WWOX: variants seen among roughly 807,000 people sequenced by gnomAD.
WWOX encodes the protein WW domain-containing oxidoreductase.
Under a neutral mutation model 46.2 loss-of-function variants are expected in WWOX, and 69 were observed. The ratio of observed to expected loss-of-function variants is 1.49; its 90% confidence interval spans 1.23 to 1.82. The LOEUF is 1.82. Among genes scored for constraint, WWOX ranks in the 40% most tolerant of loss-of-function variants. The pLI, the probability that WWOX is intolerant of heterozygous loss-of-function variation, is 0.00. For missense variants in WWOX, 919 were observed against 542.6 expected (o/e 1.69, Z -6.89); for synonymous variants, 359 against 202.6 (o/e 1.77, Z -6.56).
chr16:78,762,379 CAG>C (rs1567543024), intron 8 of WWOX, among the ~76,000 whole-genome samples: 1 of 152,176 alleles, frequency 6.6e-6, no homozygotes, highest in African/African-American at 2.4e-5. Context: ...GAATTTTAAC[CAG>C]AGTCTCTTGG....
chr16:78,643,869 A>G (rs1431873045), intron 8 of WWOX, among the ~76,000 whole-genome samples: 2 of 151,598 alleles, frequency 1.3e-5, no homozygotes. Flanking sequence ...GACAGTTGCC[A>G]TAATTAGTAA....
At chr16:78,947,185 C>T (rs975398486) in intron 8 of WWOX, among the ~76,000 whole-genome samples, 3 of 151,764 alleles carry the variant, frequency 2.0e-5, no homozygotes, top group Non-Finnish European at 2.9e-5. Flanking sequence ...AGAGAAAACC[C>T]CATAACAATG....
At chr16:79,114,857 T>G (rs2049482911) in intron 8 of WWOX, among the ~76,000 whole-genome samples, 1 of 152,186 alleles carries the variant, frequency 6.6e-6, no homozygotes, top group African/African-American at 2.4e-5. Context: ...GCTGCTGCCT[T>G]TAATGGGCGT....
intron 8 of WWOX, among the ~76,000 whole-genome samples, chr16:78,893,663 G>T (rs1227277339): frequency 6.6e-6 from 1 of 152,116 alleles, no homozygotes; most frequent in Non-Finnish European, 1.5e-5. Flanking sequence ...AGACTCTTTT[G>T]TCTGAGGTTC....
intron 8 of WWOX, chr16:79,016,279 G>C (rs1438042405): frequency 6.6e-6 from 1 of 152,208 alleles, no homozygotes; most frequent in Admixed American, 6.6e-5. Context: ...TGAAACTGCT[G>C]CTTAACTTTT....
chr16:78,711,323 T>C (rs1226992078), intron 8 of WWOX, among the ~76,000 whole-genome samples: 1 of 152,250 alleles, frequency 6.6e-6, no homozygotes, highest in South Asian at 2.1e-4. Flanking sequence ...TATGGTTTGT[T>C]TAGCAACAGC....
intron 8 of WWOX, among the ~76,000 whole-genome samples, chr16:79,089,330 G>T (rs892913854): frequency 1.1e-4 from 12 of 111,862 alleles, no homozygotes; most frequent in Admixed American, 9.7e-5. Flanking sequence ...TCAAGGTGGG[G>T]ACCTTTTTTT....
In WWOX at chr16:79,025,505, C is replaced by T. The variant is rs72795608; in HGVS notation, c.1057-186103C>T. ...GCGGTGTGAAGGTAGAGACTGAGAT[C>T]GGAGTGATTCCCCCACAAGCCAGGG... is the stretch of plus-strand genomic sequence containing the variant. On this transcript the variant is annotated intron_variant, in intron 8 of 8. Coordinates refer to ENST00000566780, the MANE Select transcript of WWOX (RefSeq NM_016373.4). 2.0e-3 allele frequency among the ~76,000 whole-genome samples: 308 copies of T among 152,118 alleles called. 2 individuals are homozygous for T. Among genetic ancestry groups the T allele is most frequent in the Non-Finnish European group, 2.8e-3 (190 of 68,008 alleles).
chr16:78,469,912 A>G (rs1899831195), intron 8 of WWOX, among the ~76,000 whole-genome samples: 1 of 152,254 alleles, frequency 6.6e-6, no homozygotes, highest in Non-Finnish European at 1.5e-5. Context: ...AATAAGATGT[A>G]ACTGAAATTC....
chr16:78,842,066 G>C (rs1047026848), intron 8 of WWOX, among the ~76,000 whole-genome samples: 18 of 152,188 alleles, frequency 1.2e-4, no homozygotes. Context: ...GAGGATCTGA[G>C]CTGACTGGGT....
chr16:78,459,240 C>A (rs574365189), intron 8 of WWOX, among the ~76,000 whole-genome samples: 2 of 152,178 alleles, frequency 1.3e-5, no homozygotes, highest in Non-Finnish European at 2.9e-5. Context: ...GAAAGACTGT[C>A]GTAAGTTCAC....
chr16:78,883,980 C>A (rs558010121), intron 8 of WWOX, among the ~76,000 whole-genome samples: 7 of 152,020 alleles, frequency 4.6e-5, no homozygotes, highest in Admixed American at 3.3e-4. Context: ...ATCTGATCCC[C>A]TAGAAATTTC....
At chr16:78,954,447 A>G (rs896853876) in intron 8 of WWOX, among the ~76,000 whole-genome samples, 1 of 152,212 alleles carries the variant, frequency 6.6e-6, no homozygotes, top group Non-Finnish European at 1.5e-5. Flanking sequence ...TGATGCATGG[A>G]TAGATGAATG....
intron 8 of WWOX, among the ~76,000 whole-genome samples, chr16:78,728,290 G>A (rs866263714): frequency 4.0e-5 from 6 of 151,766 alleles, no homozygotes; most frequent in Admixed American, 6.6e-5. Flanking sequence ...GTCTCAAACT[G>A]AACTCCTGAG....
Position 78,985,782 on chromosome 16 carries a change from G to A in WWOX, c.1057-225826G>A, listed in dbSNP as rs72628255. 4.3e-3 allele frequency among the ~76,000 whole-genome samples: 45 copies of A among 10,412 alleles called. No individual in the cohort carries two copies. In the Non-Finnish European group the frequency reaches 0.062, roughly 14 times the overall value. The allele number at this position is 10,412 out of a possible 152,430, so 6.8% of individuals were successfully genotyped here. ...AGACTCCATCTGAAAAAGAAAAAAA[G>A]AATAGGCACAGACAATTTACCTGGA... On this transcript the variant is annotated intron_variant, in intron 8 of 8. Coordinates refer to ENST00000566780, the MANE Select transcript of WWOX (RefSeq NM_016373.4).
chr16:78,516,524 T>C (rs2043238884), intron 8 of WWOX, among the ~76,000 whole-genome samples: 1 of 152,214 alleles, frequency 6.6e-6, no homozygotes, highest in Non-Finnish European at 1.5e-5. Context: ...TTCAAATATC[T>C]GAACTCAGAT....
chr16:78,451,352 T>C (rs1394168879), intron 8 of WWOX, among the ~76,000 whole-genome samples: 1 of 152,158 alleles, frequency 6.6e-6, no homozygotes, highest in African/African-American at 2.4e-5. Flanking sequence ...ATAAAACAAT[T>C]CACATTTCTT....
intron 8 of WWOX, among the ~76,000 whole-genome samples, chr16:78,976,660 G>A (rs2046578295): frequency 6.6e-6 from 1 of 152,206 alleles, no homozygotes; most frequent in Non-Finnish European, 1.5e-5. Context: ...GGATTAATGT[G>A]ACGCTGAAAT....
At chr16:78,771,169 A>G (rs28733931) in intron 8 of WWOX, among the ~76,000 whole-genome samples, 7 of 152,294 alleles carry the variant, frequency 4.6e-5, no homozygotes, top group Non-Finnish European at 8.8e-5. Context: ...ATGGAGATCC[A>G]TTTGGATAGT....
Sources: allele counts gnomAD v4.1 joint callset (sites outside exome capture counted in the v4.1 genomes callset), GRCh38; gene constraint gnomAD v4.1.1; transcripts MANE v1.5; gene names NCBI Gene and HGNC (gene_info 2026-07-23, HGNC 2026-07-21).